The following LRRC61 variants were observed in gnomAD, a reference collection of about 807,000 sequenced individuals.
LRRC61 encodes the protein leucine-rich repeat-containing protein 61.
In LRRC61, 9 loss-of-function variants were observed where a neutral mutation model predicts 15.1. The observed-to-expected ratio is 0.60, with a 90% CI of 0.36 to 1.04. The LOEUF (loss-of-function observed/expected upper bound fraction) is 1.04, where lower values mean the gene tolerates loss of function less well. LRRC61 is among the 50% of genes least tolerant of loss of function. LRRC61 has a pLI of 0.01. For synonymous variants in LRRC61, 173 were observed against 158.6 expected (o/e 1.09, Z -0.68); for missense variants, 344 against 335.6 (o/e 1.03, Z -0.20).
upstream of LRRC61, among the ~76,000 whole-genome samples, chr7:150,318,384 C>G (rs1797150440): frequency 6.6e-6 from 1 of 152,136 alleles, no homozygotes; most frequent in African/African-American, 2.4e-5. Context: ...AACCGTGAGA[C>G]AATACATTTC....
Position 150,336,890 on chromosome 7 carries a change from A to T in LRRC61, c.29A>T (p.Glu10Val). 1 of 1,598,590 alleles carries T rather than the reference A, an allele frequency of 6.3e-7. No homozygotes were observed. Among genetic ancestry groups the T allele is most frequent in the African/African-American group, 1.3e-5 (1 of 75,004 alleles). The change falls in exon 3 of 3, where the codon GAG (glutamate) becomes GTG (valine). Residue 10 changes from glutamate (E) to valine (V), a missense_variant. Glu to Val is a moderately radical substitution (Grantham distance 121). Coordinates refer to ENST00000359623, the MANE Select transcript of LRRC61 (RefSeq NM_001142928.2). ...GACCCTCCAGCGGAGAAGCCGGGAG[A>T]GGCTGGCGGACTGCAGATCACACCC... is the stretch of plus-strand genomic sequence containing the variant. MDPPAEKPG[E>V]AGGLQITPQL...
At chr7:150,316,483 A>T in the LRRC61 span, among the ~76,000 whole-genome samples, 1,492 of 80,378 alleles carry the variant, frequency 0.019, 93 homozygotes, top group Middle Eastern at 0.033. Flanking sequence ...GAATCTGGTT[A>T]TTTTTTTTTT....
At chr7:150,321,599 G>A (rs1251739629), upstream of LRRC61, among the ~76,000 whole-genome samples, 4 of 152,170 alleles carry the variant, frequency 2.6e-5, no homozygotes, top group Admixed American at 2.6e-4. Flanking sequence ...AATTAGCCAG[G>A]TGTGGTGGTT....
In LRRC61 at chr7:150,333,882, A is replaced by G; in HGVS notation, c.-144-2836A>G. 1.0e-6 allele frequency: 1 copy of G among 984,754 alleles called. No individual in the cohort carries two copies. The highest frequency in any genetic ancestry group is 4.7e-5 in the South Asian group (1 of 21,268). 61.0% of individuals were successfully genotyped at this position (984,754 alleles called of 1,614,324 possible). ...GCTACCTGTTTGCAGTGTGCAGGTG[A>G]TGGACCAGAAACACAGCAGAGGTCA... On this transcript the variant is annotated intron_variant, in intron 2 of 2. Transcript: ENST00000359623. The surrounding 1 kb of genome is among the most constrained non-coding windows in gnomAD (Gnocchi z 4.3).
At chr7:150,311,824 C>T in the LRRC61 span, among the ~76,000 whole-genome samples, 1 of 152,176 alleles carries the variant, frequency 6.6e-6, no homozygotes, top group African/African-American at 2.4e-5. Flanking sequence ...TCCCAACAAG[C>T]GGAACTGATT....
chr7:150,333,023 G>A lies in LRRC61; in HGVS notation c.-144-3695G>A, dbSNP rs889917898. Among the ~76,000 whole-genome samples the A allele has an allele frequency of 2.0e-5, 3 of 152,228 alleles. No individual in the cohort carries two copies. The highest frequency in any genetic ancestry group is 2.9e-5 in the Non-Finnish European group (2 of 68,044). On this transcript the variant is annotated intron_variant, in intron 2 of 2. Transcript: ENST00000359623. This position sits in a 1 kb window ranked among gnomAD's most constrained non-coding sequence, Gnocchi z 4.3. ...GCATCCTCAGGTTGCCTTGGGCAGC[G>A]TGCGTGACTGTGCTTCCATCCTTGA... is the stretch of plus-strand genomic sequence containing the variant.
At position 150,330,731 on chromosome 7, in the gene LRRC61, G is replaced by C; in HGVS notation, c.-145+4721G>C. 2 of 1,600,506 alleles carry C rather than the reference G, an allele frequency of 1.2e-6. No individual in the cohort carries two copies. The highest frequency in any genetic ancestry group is 8.6e-7 in the Non-Finnish European group (1 of 1,167,504). ...AAGTCCTCGTGTACAAGGTGAAGGA[G>C]ATTAGAGTGTCTGAATACTCTTTGA... On this transcript the variant is annotated intron_variant, in intron 2 of 2. Coordinates refer to ENST00000359623, the MANE Select transcript of LRRC61 (RefSeq NM_001142928.2). This position sits in a 1 kb window ranked among gnomAD's most constrained non-coding sequence, Gnocchi z 4.6.
At chr7:150,312,456 T>C in the LRRC61 span, among the ~76,000 whole-genome samples, 319 of 152,312 alleles carry the variant, frequency 2.1e-3, 3 homozygotes, top group South Asian at 0.01. Context: ...TGACAGACAA[T>C]GGGGACAAAA....
rs117622310 is a variant in LRRC61, at chr7:150,325,249, C to T, written c.-314-592C>T. 3.9e-3 allele frequency among the ~76,000 whole-genome samples: 596 copies of T among 152,350 alleles called. 1 individual carries two copies. Among genetic ancestry groups the T allele is most frequent in the Non-Finnish European group, 6.0e-3 (406 of 68,028 alleles). ...GCATTGTGCCATCACCCCGCCCTGC[C>T]GTCACCCCGGCCTGGCCCGCTTTCC... On this transcript the variant is annotated intron_variant, in intron 1 of 2. Transcript: ENST00000359623.
chr7:150,334,233 C>T (rs1798210121), intron 2 of LRRC61, among the ~76,000 whole-genome samples: 3 of 152,320 alleles, frequency 2.0e-5, no homozygotes, highest in South Asian at 4.1e-4. Flanking sequence ...TGTGGCCTCA[C>T]CTGTGCCCAG....
upstream of LRRC61, among the ~76,000 whole-genome samples, chr7:150,318,380 G>A (rs1289475777): frequency 2.6e-5 from 4 of 152,178 alleles, no homozygotes; most frequent in African/African-American, 9.7e-5. Context: ...CCAGAACCGT[G>A]AGACAATACA....
Position 150,330,181 on chromosome 7 carries a change from T to C in LRRC61, c.-145+4171T>C. Reference sequence around the variant, plus strand: ...GGCTCTGTGGAGGCCCAGGGACTCCTCACCCAGCTCCAGCGCCAGCGCAGC... The same window carrying C: ...GGCTCTGTGGAGGCCCAGGGACTCCCCACCCAGCTCCAGCGCCAGCGCAGC... On this transcript the variant is annotated intron_variant, in intron 2 of 2. Coordinates refer to ENST00000359623, the MANE Select transcript of LRRC61 (RefSeq NM_001142928.2). The surrounding 1 kb of genome is among the most constrained non-coding windows in gnomAD (Gnocchi z 4.6). 3.4e-6 allele frequency: 2 copies of C among 586,206 alleles called. No homozygotes were observed. The highest frequency in any genetic ancestry group is 1.9e-5 in the African/African-American group (1 of 53,548). The allele number at this position is 586,206 out of a possible 1,614,324, so 36.3% of individuals were successfully genotyped here.
chr7:150,335,971 GTA>G lies in LRRC61; in HGVS notation c.-144-743_-144-742del, dbSNP rs1798274736. Among the ~76,000 whole-genome samples, 1 of 152,204 alleles carries G rather than the reference GTA, an allele frequency of 6.6e-6. No homozygotes were observed. The highest frequency in any genetic ancestry group is 1.5e-5 in the Non-Finnish European group (1 of 68,030). ...CAGCTGGCACCGTGCTGTCTGGCAC[GTA>G]TATCAGTGCTGTTCCATTGATCTGT... On this transcript the variant is annotated intron_variant, in intron 2 of 2. Coordinates refer to ENST00000359623, the MANE Select transcript of LRRC61 (RefSeq NM_001142928.2). The surrounding 1 kb of genome is among the most constrained non-coding windows in gnomAD (Gnocchi z 4.3).
the LRRC61 span, among the ~76,000 whole-genome samples, chr7:150,315,349 A>C: frequency 2.6e-5 from 4 of 152,146 alleles, no homozygotes; most frequent in Admixed American, 1.3e-4. Context: ...GAGGATCTTC[A>C]CAATCCATAT....
chr7:150,314,032 A>G, the LRRC61 span, among the ~76,000 whole-genome samples: 1 of 152,212 alleles, frequency 6.6e-6, no homozygotes, highest in African/African-American at 2.4e-5. Context: ...CTGGACCCAT[A>G]TGGTCCCTCC....
the LRRC61 span, among the ~76,000 whole-genome samples, chr7:150,313,392 T>C: frequency 2.6e-5 from 4 of 152,356 alleles, no homozygotes; most frequent in Admixed American, 6.5e-5. Context: ...GACAAGTTAT[T>C]ATCCAAAGAC....
At position 150,337,459 on chromosome 7, in the gene LRRC61, G is replaced by T. The variant is rs1358830465; in HGVS notation, c.598G>T (p.Val200Leu). Residue 200 changes from valine (V) to leucine (L), a missense_variant, in exon 3 of 3, where the codon GTG becomes TTG. By Grantham distance (32) the Val-to-Leu change is conservative. Coordinates refer to ENST00000359623, the MANE Select transcript of LRRC61 (RefSeq NM_001142928.2). ...GPRATEAQPW[V>L]EPGYWESWPS... ...CAGAGCCACCGAGGCCCAGCCCTGGGTGGAGCCAGGCTACTGGGAGTCCTG... is the reference window on the plus strand; with the variant it reads ...CAGAGCCACCGAGGCCCAGCCCTGGTTGGAGCCAGGCTACTGGGAGTCCTG... 1 of 1,603,930 alleles carries T rather than the reference G, an allele frequency of 6.2e-7. No homozygotes were observed. Among genetic ancestry groups the T allele is most frequent in the Non-Finnish European group, 8.5e-7 (1 of 1,179,770 alleles).
chr7:150,331,070 C>T, intron 2 of LRRC61: 1 of 1,607,780 alleles, frequency 6.2e-7, no homozygotes, highest in Non-Finnish European at 8.5e-7. Flanking sequence ...AGCGAGAAGC[C>T]TGGCCACCAT....
the LRRC61 span, among the ~76,000 whole-genome samples, chr7:150,311,259 C>G: frequency 6.6e-6 from 1 of 152,218 alleles, no homozygotes; most frequent in South Asian, 2.1e-4. Context: ...AGCTGAAATA[C>G]AAGGCTGTGC....
Sources: gnomAD v4.1 joint callset for allele counts (sites outside exome capture counted in the v4.1 genomes callset) on GRCh38, gnomAD v4.1.1 for gene constraint, Gnocchi (gnomAD v3.1) non-coding constraint, MANE v1.5 for transcripts, NCBI Gene and HGNC (gene_info 2026-07-23, HGNC 2026-07-21) for gene names.